The following KALRN variants were observed in gnomAD, a reference collection of about 807,000 sequenced individuals.
The protein encoded by KALRN is kalirin.
Under a neutral mutation model 353.7 loss-of-function variants are expected in KALRN, and 70 were observed. The ratio of observed to expected loss-of-function variants is 0.20; its 90% confidence interval spans 0.16 to 0.24. The LOEUF (loss-of-function observed/expected upper bound fraction) is 0.24. KALRN is among the 10% of genes least tolerant of loss of function. The pLI is 1.00. For missense variants in KALRN, 2,791 were observed against 3,756.7 expected (o/e 0.74, Z 6.72); for synonymous variants, 1,391 against 1,434.8 (o/e 0.97, Z 0.69).
At chr3:124,445,899 T>C (rs926582968) in intron 19 of KALRN, among the ~76,000 whole-genome samples, 1 of 152,216 alleles carries the variant, frequency 6.6e-6, no homozygotes, top group Non-Finnish European at 1.5e-5. Flanking sequence ...CATTTGTAAG[T>C]CACTGGTGTT....
intron 1 of KALRN, among the ~76,000 whole-genome samples, chr3:124,198,658 T>C (rs889400854): frequency 2.0e-5 from 3 of 152,130 alleles, no homozygotes; most frequent in Non-Finnish European, 2.9e-5. Flanking sequence ...TGAGTGAGCT[T>C]TTTTGGAGGT....
At chr3:124,687,014 G>A (rs1463161614) in intron 51 of KALRN, among the ~76,000 whole-genome samples, 1 of 151,648 alleles carries the variant, frequency 6.6e-6, no homozygotes, top group Non-Finnish European at 1.5e-5. Context: ...GGGTTCTCCC[G>A]ATGTTGTTCA....
intron 45 of KALRN, among the ~76,000 whole-genome samples, chr3:124,664,370 T>TGTGCGCGCGCGC (rs370394911): frequency 2.2e-4 from 28 of 129,560 alleles, no homozygotes; most frequent in Admixed American, 1.5e-3. Flanking sequence ...TGTGTGTGTG[T>TGTGCGCGCGCGC]GCGCGCGCGC....
intron 32 of KALRN, among the ~76,000 whole-genome samples, chr3:124,496,022 T>A: frequency 9.3e-6 from 1 of 107,754 alleles, no homozygotes; most frequent in Non-Finnish European, 1.9e-5. Context: ...TACACACACA[T>A]ATATACATAC....
At position 124,668,016 on chromosome 3, in the gene KALRN, C is replaced by T. The variant is rs140238570; in HGVS notation, c.6703+833C>T. 2.6e-3 allele frequency among the ~76,000 whole-genome samples: 398 copies of T among 150,208 alleles called. 1 individual carries two copies. The highest frequency in any genetic ancestry group is 9.3e-3 in the African/African-American group (378 of 40,826). Reference sequence around the variant, plus strand: ...TAGTAATGAAGTAAACCTGAAGACTCAGAAAACACATATGCCTGTATATCG... The same window carrying T: ...TAGTAATGAAGTAAACCTGAAGACTTAGAAAACACATATGCCTGTATATCG... On this transcript the variant is annotated intron_variant, in intron 47 of 59. Coordinates refer to ENST00000682506, the MANE Select transcript of KALRN (RefSeq NM_001388419.1).
intron 1 of KALRN, among the ~76,000 whole-genome samples, chr3:124,105,393 A>G (rs1330161687): frequency 6.6e-6 from 1 of 152,188 alleles, no homozygotes; most frequent in African/African-American, 2.4e-5. Flanking sequence ...GGAGATGAAT[A>G]TTTTGAGTCA....
intron 7 of KALRN, among the ~76,000 whole-genome samples, chr3:124,327,887 C>T (rs2080084888): frequency 6.6e-6 from 1 of 152,230 alleles, no homozygotes; most frequent in Admixed American, 6.5e-5. Flanking sequence ...CTGATCCCAG[C>T]TCCACCATTC....
intron 1 of KALRN, among the ~76,000 whole-genome samples, chr3:124,145,126 T>C (rs2067166894): frequency 6.6e-6 from 1 of 152,128 alleles, no homozygotes; most frequent in Admixed American, 6.5e-5. Flanking sequence ...TGGGAAAAGA[T>C]GCCCAGCAGC....
intron 23 of KALRN, among the ~76,000 whole-genome samples, chr3:124,458,904 A>T (rs141409296): frequency 6.6e-6 from 1 of 152,248 alleles, no homozygotes; most frequent in Non-Finnish European, 1.5e-5. Context: ...ACTGCACTCC[A>T]GCCTGGGCAA....
chr3:124,405,535 A>G (rs2091419819), intron 13 of KALRN, among the ~76,000 whole-genome samples: 1 of 152,206 alleles, frequency 6.6e-6, no homozygotes, highest in Non-Finnish European at 1.5e-5. Context: ...ACAAATCTCA[A>G]AATGATAAAA....
At chr3:124,656,573 C>T (rs913536203) in intron 39 of KALRN, among the ~76,000 whole-genome samples, 6 of 151,794 alleles carry the variant, frequency 4.0e-5, no homozygotes. Context: ...ATCGCGCCAC[C>T]GCACTCCAGC....
intron 11 of KALRN, among the ~76,000 whole-genome samples, chr3:124,388,950 G>A (rs2088889731): frequency 6.6e-6 from 1 of 152,070 alleles, no homozygotes; most frequent in African/African-American, 2.4e-5. Context: ...CAAAGTTCTG[G>A]CTTTTTATTC....
intron 1 of KALRN, among the ~76,000 whole-genome samples, chr3:124,080,521 T>C (rs2149314722): frequency 6.6e-6 from 1 of 152,336 alleles, no homozygotes; most frequent in East Asian, 1.9e-4. Flanking sequence ...GGTTAACATA[T>C]CATTTTGCAA....
intron 34 of KALRN, among the ~76,000 whole-genome samples, chr3:124,585,778 C>CTTGA (rs1475445513): frequency 1.3e-5 from 2 of 152,230 alleles, no homozygotes; most frequent in Non-Finnish European, 2.9e-5. Context: ...TAGCCCCCTA[C>CTTGA]TTGACATTTG....
intron 34 of KALRN, among the ~76,000 whole-genome samples, chr3:124,568,890 AATG>A (rs2073177737): frequency 6.6e-6 from 1 of 152,152 alleles, no homozygotes; most frequent in African/African-American, 2.4e-5. Context: ...CAAGATGAAA[AATG>A]TTCTGGAGAT....
At chr3:124,616,288 G>A (rs2078586616) in intron 34 of KALRN, among the ~76,000 whole-genome samples, 1 of 152,108 alleles carries the variant, frequency 6.6e-6, no homozygotes, top group Admixed American at 6.5e-5. Context: ...GTTACCTTTG[G>A]TTAAGGTTAC....
intron 37 of KALRN, 72 bp from the exon 38 acceptor site, chr3:124,650,736 C>A: frequency 6.8e-7 from 1 of 1,466,816 alleles, no homozygotes; most frequent in Non-Finnish European, 9.4e-7. Context: ...TGTGGCTAGG[C>A]TGGGAGGACA....
rs910631880 is a variant in KALRN at position 124,557,537 on chromosome 3, A to C, written c.4936-5306A>C. 4.3e-4 allele frequency among the ~76,000 whole-genome samples: 66 copies of C among 152,160 alleles called. 1 individual carries two copies. The highest frequency in any genetic ancestry group is 1.6e-4 in the Non-Finnish European group (11 of 68,036). ...GAGAGAAAGACAGTTTTTGCACAGGAGTTGGCAGGACTTCACGGTGCCCTT... is the reference window on the plus strand; with the variant it reads ...GAGAGAAAGACAGTTTTTGCACAGGCGTTGGCAGGACTTCACGGTGCCCTT... On this transcript the variant is annotated intron_variant, in intron 33 of 59. Coordinates refer to ENST00000682506, the MANE Select transcript of KALRN (RefSeq NM_001388419.1).
chr3:124,249,743 C>T (rs1348278351), intron 3 of KALRN, among the ~76,000 whole-genome samples: 2 of 152,138 alleles, frequency 1.3e-5, no homozygotes, highest in African/African-American at 2.4e-5. Flanking sequence ...CTAGTTTATT[C>T]TGATTTGGAG....
Sources: allele counts gnomAD v4.1 joint callset (sites outside exome capture counted in the v4.1 genomes callset), GRCh38; gene constraint gnomAD v4.1.1; transcripts MANE v1.5; gene names NCBI Gene and HGNC (gene_info 2026-07-23, HGNC 2026-07-21).